ITFG1: variants seen among roughly 807,000 people sequenced by gnomAD.
The protein encoded by ITFG1 is T-cell immunomodulatory protein.
In ITFG1, 34 loss-of-function variants were observed where a neutral mutation model predicts 81.8. That is an observed-to-expected ratio of 0.42 (90% CI 0.32 to 0.55). ITFG1 has a LOEUF of 0.55. Ranked by LOEUF, ITFG1 falls within the 20% of genes least tolerant of loss-of-function variation. ITFG1 has a pLI of 0.17. For synonymous variants in ITFG1, 285 were observed against 270.6 expected, an observed-to-expected ratio of 1.05 and a Z score of -0.52; for missense variants, 672 against 755.4, an observed-to-expected ratio of 0.89 and a Z score of 1.29.
chr16:47,433,758 G>A (rs1001720605), intron 5 of ITFG1, among the ~76,000 whole-genome samples: 7 of 123,730 alleles, frequency 5.7e-5, no homozygotes, highest in Admixed American at 2.4e-4. Flanking sequence ...ATTTTAAGAT[G>A]AATAAAAACT....
At chr16:47,163,427 G>A (rs1158849108) in intron 14 of ITFG1, among the ~76,000 whole-genome samples, 1 of 152,068 alleles carries the variant, frequency 6.6e-6, no homozygotes, top group Admixed American at 6.6e-5. Flanking sequence ...CTTTCACTTA[G>A]CATGTTTTCA....
chr16:47,426,727 G>A (rs1323621181), intron 6 of ITFG1, among the ~76,000 whole-genome samples: 1 of 151,630 alleles, frequency 6.6e-6, no homozygotes, highest in South Asian at 2.1e-4. Context: ...TTTGAAAATC[G>A]TACGTCAATA....
At position 47,155,915 on chromosome 16, in the gene ITFG1, G is replaced by A. The variant is rs1964696635; in HGVS notation, c.1780-137C>T. ...ATAGATATGATTTCCTAATTCAACA[G>A]TCCTAGTATTTTTGTAGTTTATAGT... On this transcript the variant is annotated intron_variant, in intron 17 of 17. Transcript: ENST00000320640. The A allele has an allele frequency of 7.1e-6, 4 of 561,310 alleles. No homozygotes were observed. In the Admixed American group the frequency reaches 1.1e-4, roughly 15 times the overall value. The allele number at this position is 561,310 out of a possible 1,614,324, so 34.8% of individuals were successfully genotyped here. A position where few individuals can be genotyped will look rare whatever the true frequency, so the allele number is the denominator to read the frequency against.
intron 14 of ITFG1, among the ~76,000 whole-genome samples, chr16:47,183,578 T>G (rs1236706298): frequency 6.6e-6 from 1 of 152,202 alleles, no homozygotes; most frequent in Non-Finnish European, 1.5e-5. Context: ...CTGAGGGTCC[T>G]GTCTGTTAGA....
chr16:47,460,046 C>A (rs574696173), intron 1 of ITFG1, among the ~76,000 whole-genome samples: 1 of 152,292 alleles, frequency 6.6e-6, no homozygotes, highest in South Asian at 2.1e-4. Flanking sequence ...CCACTGTCAG[C>A]ATCAAGATTT....
At chr16:47,370,368 A>G (rs1373069804) in intron 7 of ITFG1, among the ~76,000 whole-genome samples, 2 of 152,102 alleles carry the variant, frequency 1.3e-5, no homozygotes, top group Non-Finnish European at 2.9e-5. Context: ...GCACTCCCCC[A>G]TTCTGAGCCC....
At position 47,194,843 on chromosome 16, in the gene ITFG1, T is replaced by C. The variant is rs796184805; in HGVS notation, c.1453+24025A>G. 6.8e-4 allele frequency among the ~76,000 whole-genome samples: 103 copies of C among 152,154 alleles called. 1 individual carries two copies. The highest frequency in any genetic ancestry group is 2.4e-3 in the African/African-American group (98 of 41,504). ...TCATCTAGGTTTCAAGCCCCACATA[T>C]ATTAGGTATTTGTTCTAATGCTCTC... is the stretch of plus-strand genomic sequence containing the variant. On this transcript the variant is annotated intron_variant, in intron 14 of 17. Transcript: ENST00000320640.
At chr16:47,453,152 A>G (rs1020256874) in intron 3 of ITFG1, among the ~76,000 whole-genome samples, 13 of 152,238 alleles carry the variant, frequency 8.5e-5, no homozygotes, top group Non-Finnish European at 2.9e-5. Flanking sequence ...TGGTTCTAAA[A>G]TGTACATGCT....
intron 10 of ITFG1, among the ~76,000 whole-genome samples, chr16:47,278,064 T>C (rs1462187410): frequency 6.6e-6 from 1 of 152,220 alleles, no homozygotes; most frequent in Non-Finnish European, 1.5e-5. Context: ...TCTACCTGTG[T>C]TCCCTCATAC....
intron 5 of ITFG1, among the ~76,000 whole-genome samples, chr16:47,441,917 A>G (rs1969256788): frequency 6.6e-6 from 1 of 152,204 alleles, no homozygotes; most frequent in Admixed American, 6.5e-5. Context: ...ACATGATTGT[A>G]TATCTAGAAA....
chr16:47,454,571 T>C (rs1969428904), intron 2 of ITFG1, among the ~76,000 whole-genome samples: 1 of 152,176 alleles, frequency 6.6e-6, no homozygotes, highest in Admixed American at 6.5e-5. Context: ...ATTTATAAAA[T>C]ATTTAGTTTG....
chr16:47,166,375 T>A (rs905436380), intron 14 of ITFG1, among the ~76,000 whole-genome samples: 4 of 152,250 alleles, frequency 2.6e-5, no homozygotes, highest in Admixed American at 2.6e-4. Context: ...GAGATAATCA[T>A]TATTACATTT....
intron 13 of ITFG1, among the ~76,000 whole-genome samples, chr16:47,225,126 T>C (rs1567428679): frequency 6.6e-6 from 1 of 152,112 alleles, no homozygotes; most frequent in African/African-American, 2.4e-5. Flanking sequence ...AAAACTGAAA[T>C]TCTACAATAC....
chr16:47,458,165 C>T (rs1969477031), intron 2 of ITFG1, among the ~76,000 whole-genome samples: 1 of 152,152 alleles, frequency 6.6e-6, no homozygotes, highest in African/African-American at 2.4e-5. Flanking sequence ...CTGATGATTC[C>T]CCTCTTCTAA....
intron 14 of ITFG1, among the ~76,000 whole-genome samples, chr16:47,179,227 G>T (rs1021429317): frequency 1.3e-5 from 2 of 152,120 alleles, no homozygotes; most frequent in African/African-American, 4.8e-5. Flanking sequence ...CCATTACTGG[G>T]TATATACCCA....
chr16:47,361,200 T>A (rs1215827922), intron 8 of ITFG1, among the ~76,000 whole-genome samples: 1 of 152,152 alleles, frequency 6.6e-6, no homozygotes, highest in African/African-American at 2.4e-5. Flanking sequence ...CTTCTGAAGA[T>A]GTGATACACA....
At chr16:47,158,389 C>T (rs1033249652) in intron 17 of ITFG1, among the ~76,000 whole-genome samples, 1 of 152,168 alleles carries the variant, frequency 6.6e-6, no homozygotes, top group African/African-American at 2.4e-5. Flanking sequence ...GCCACCATGC[C>T]TGGCTGTTTA....
chr16:47,422,536 C>T (rs1268757628), intron 6 of ITFG1, among the ~76,000 whole-genome samples: 1 of 152,242 alleles, frequency 6.6e-6, no homozygotes, highest in Admixed American at 6.5e-5. Flanking sequence ...CCCTCTTTTT[C>T]TATTGATTGA....
chr16:47,293,641 T>C (rs1025007328), intron 10 of ITFG1, among the ~76,000 whole-genome samples: 1 of 152,146 alleles, frequency 6.6e-6, no homozygotes, highest in Non-Finnish European at 1.5e-5. Context: ...TGGCCATCTA[T>C]ATGTCTTCTT....
Sources: allele counts gnomAD v4.1 joint callset (sites outside exome capture counted in the v4.1 genomes callset), GRCh38; gene constraint gnomAD v4.1.1; transcripts MANE v1.5; gene names NCBI Gene and HGNC (gene_info 2026-07-23, HGNC 2026-07-21).